Variants in PARD3 observed in about 807,000 individuals in gnomAD.
PARD3 encodes par-3 family cell polarity regulator, also known as partitioning defective 3 homolog.
PARD3 carries 75 observed loss-of-function variants against 155.4 expected under a neutral mutation model. That is an observed-to-expected ratio of 0.48 (90% CI 0.40 to 0.58). The LOEUF (loss-of-function observed/expected upper bound fraction) is 0.58. Ranked by LOEUF, PARD3 falls within the 20% of genes least tolerant of loss-of-function variation. The pLI is 0.00. For missense variants in PARD3, 1,642 were observed against 1,721.7 expected, an observed-to-expected ratio of 0.95 and a Z score of 0.82; for synonymous variants, 576 against 610.5, an observed-to-expected ratio of 0.94 and a Z score of 0.83.
chr10:34,584,589 A>G (rs2087824085), intron 2 of PARD3, among the ~76,000 whole-genome samples: 1 of 152,168 alleles, frequency 6.6e-6, no homozygotes, highest in African/African-American at 2.4e-5. Context: ...GGAGTTTCCT[A>G]ATAATTCACA....
At chr10:34,526,391 C>T (rs74132044) in intron 2 of PARD3, among the ~76,000 whole-genome samples, 2,617 of 152,282 alleles carry the variant, frequency 0.017, 84 homozygotes, top group African/African-American at 0.06. Context: ...AGTCCCAGGG[C>T]ATGAAAAGCT....
chr10:34,759,552 A>T (rs1419057549), intron 1 of PARD3, among the ~76,000 whole-genome samples: 2 of 152,248 alleles, frequency 1.3e-5, no homozygotes, highest in Non-Finnish European at 2.9e-5. Context: ...GCACATAGCA[A>T]TCAAACATTC....
chr10:34,492,913 A>G (rs1034163482), intron 3 of PARD3, among the ~76,000 whole-genome samples: 3 of 152,262 alleles, frequency 2.0e-5, no homozygotes, highest in African/African-American at 7.2e-5. Context: ...CGTTTTTCTG[A>G]TAATTCACCT....
At chr10:34,785,013 G>T (rs1358042000) in intron 1 of PARD3, among the ~76,000 whole-genome samples, 1 of 152,148 alleles carries the variant, frequency 6.6e-6, no homozygotes, top group Non-Finnish European at 1.5e-5. Flanking sequence ...GGCTAAAAAG[G>T]ATACTGGAAT....
At chr10:34,751,218 A>T (rs75694625) in intron 1 of PARD3, among the ~76,000 whole-genome samples, 3 of 25,544 alleles carry the variant, frequency 1.2e-4, no homozygotes, top group African/African-American at 1.9e-4. Flanking sequence ...AAATGTAATA[A>T]AAAAAAAAAT....
At chr10:34,309,759 C>G (rs1327962206) in intron 20 of PARD3, among the ~76,000 whole-genome samples, 1 of 105,982 alleles carries the variant, frequency 9.4e-6, no homozygotes, top group Non-Finnish European at 1.7e-5. Context: ...CACCCCCCCG[C>G]CCCCCCAAGA....
chr10:34,531,574 G>C (rs938038472), intron 2 of PARD3, among the ~76,000 whole-genome samples: 1 of 152,218 alleles, frequency 6.6e-6, no homozygotes, highest in Non-Finnish European at 1.5e-5. Flanking sequence ...TTTCACAAAA[G>C]TACAAGGTTT....
rs373265045 is a variant in PARD3 at position 34,578,390 on chromosome 10, T to G, written c.223-61231A>C. Among the ~76,000 whole-genome samples, 27 of 152,306 alleles carry G rather than the reference T, an allele frequency of 1.8e-4. No individual in the cohort carries two copies. The East Asian group carries it at 4.2e-3, about 24-fold the overall frequency. ...GTCTGATTTTCAAAATTCACAAAAT[T>G]GCAACCTCAGGCATAAATGGGTTAG... On this transcript the variant is annotated intron_variant, in intron 2 of 24. Coordinates refer to ENST00000374788, the MANE Select transcript of PARD3 (RefSeq NM_001184785.2).
At chr10:34,230,324 T>G (rs560223838) in intron 22 of PARD3, among the ~76,000 whole-genome samples, 5 of 152,268 alleles carry the variant, frequency 3.3e-5, no homozygotes, top group Admixed American at 6.5e-5. Context: ...GGAAGAACTT[T>G]GTGCCTCTTC....
Position 34,616,094 on chromosome 10 carries a change from G to A in PARD3, c.222+80224C>T, listed in dbSNP as rs531465599. On this transcript the variant is annotated intron_variant, in intron 2 of 24. Coordinates refer to ENST00000374788, the MANE Select transcript of PARD3 (RefSeq NM_001184785.2). Reference sequence around the variant, plus strand: ...AGCACTTTAGGAGGCAGAGGCGGGTGGATCACCTGAGGCCAGGAGTTCGAG... The same window carrying A: ...AGCACTTTAGGAGGCAGAGGCGGGTAGATCACCTGAGGCCAGGAGTTCGAG... Among the ~76,000 whole-genome samples the A allele has an allele frequency of 3.1e-3, 470 of 152,186 alleles. 7 individuals are homozygous for A. Among genetic ancestry groups the A allele is most frequent in the Middle Eastern group, 0.024 (7 of 294 alleles).
chr10:34,805,530 C>A (rs1843258326), intron 1 of PARD3, among the ~76,000 whole-genome samples: 1 of 131,500 alleles, frequency 7.6e-6, no homozygotes, highest in Admixed American at 8.0e-5. Flanking sequence ...CCCAGAAATA[C>A]ACACGTATGT....
rs538338347 is a variant in PARD3 at position 34,429,220 on chromosome 10, A to G, written c.714+21097T>C. On this transcript the variant is annotated intron_variant, in intron 5 of 24. Coordinates refer to ENST00000374788, the MANE Select transcript of PARD3 (RefSeq NM_001184785.2). ...GAAAATGAATTTTTATATCCCATGTATGCTGGATAAAATATTCATGAAATG... is the reference window on the plus strand; with the variant it reads ...GAAAATGAATTTTTATATCCCATGTGTGCTGGATAAAATATTCATGAAATG... 2.6e-5 allele frequency among the ~76,000 whole-genome samples: 4 copies of G among 152,260 alleles called. No individual in the cohort carries two copies. The East Asian group carries it at 5.8e-4, about 22-fold the overall frequency.
At chr10:34,583,444 G>T (rs1261915281) in intron 2 of PARD3, among the ~76,000 whole-genome samples, 2 of 151,950 alleles carry the variant, frequency 1.3e-5, no homozygotes, top group East Asian at 1.9e-4. Context: ...TTGTCTTTTT[G>T]ATTTTTTTTT....
chr10:34,119,577 G>T, intron 24 of PARD3, 36 bp downstream of exon 24: 1 of 1,564,834 alleles, frequency 6.4e-7, no homozygotes, highest in Non-Finnish European at 8.7e-7. Flanking sequence ...TTAAAGGGCC[G>T]GGGGGATCTG....
intron 2 of PARD3, among the ~76,000 whole-genome samples, chr10:34,530,821 C>A (rs1024352573): frequency 6.6e-6 from 1 of 152,116 alleles, no homozygotes; most frequent in African/African-American, 2.4e-5. Flanking sequence ...GTGTAATGAG[C>A]CTTACAGGTC....
intron 2 of PARD3, among the ~76,000 whole-genome samples, chr10:34,558,057 T>C (rs1018546473): frequency 2.0e-5 from 3 of 152,132 alleles, no homozygotes; most frequent in African/African-American, 7.2e-5. Context: ...AACTTTGGTG[T>C]TGCTGGCTGT....
rs927438872 is a variant in PARD3 at position 34,502,269 on chromosome 10, C to T, written c.403+14710G>A. Reference sequence around the variant, plus strand: ...TTAAACGTGGAAGAGAAGGTCAGAACGGAAGAGTCAGAGAGAGATGTAACC... The same window carrying T: ...TTAAACGTGGAAGAGAAGGTCAGAATGGAAGAGTCAGAGAGAGATGTAACC... On this transcript the variant is annotated intron_variant, in intron 3 of 24. Coordinates refer to ENST00000374788, the MANE Select transcript of PARD3 (RefSeq NM_001184785.2). 5.3e-5 allele frequency among the ~76,000 whole-genome samples: 8 copies of T among 151,922 alleles called. No homozygotes were observed. In the South Asian group the frequency reaches 1.2e-3, roughly 24 times the overall value.
At chr10:34,813,268 T>C (rs1477666195) in intron 1 of PARD3, among the ~76,000 whole-genome samples, 2 of 152,112 alleles carry the variant, frequency 1.3e-5, no homozygotes, top group African/African-American at 2.4e-5. Context: ...CTCTTCCTAT[T>C]CAGGAGCCTA....
chr10:34,310,263 C>T (rs1191752146), intron 20 of PARD3, among the ~76,000 whole-genome samples: 1 of 152,126 alleles, frequency 6.6e-6, no homozygotes, highest in East Asian at 1.9e-4. Flanking sequence ...ATTAGCTGAG[C>T]TTGTCTTCTA....
Sources: gnomAD v4.1 joint callset for allele counts (sites outside exome capture counted in the v4.1 genomes callset) on GRCh38, gnomAD v4.1.1 for gene constraint, MANE v1.5 for transcripts, NCBI Gene and HGNC (gene_info 2026-07-23, HGNC 2026-07-21) for gene names.